Variants in UBAP1L observed in about 807,000 individuals in gnomAD.
UBAP1L encodes the protein ubiquitin associated protein 1 like.
A neutral mutation model predicts 32.1 loss-of-function variants in UBAP1L; 32 were observed. The observed-to-expected ratio is 1.00, with a 90% CI of 0.75 to 1.34. UBAP1L has a LOEUF of 1.34. UBAP1L is among the 40% of genes most tolerant of loss of function. UBAP1L has a pLI of 0.00. For synonymous variants in UBAP1L, 243 were observed against 250.2 expected, an observed-to-expected ratio of 0.97 and a Z score of 0.27; for missense variants, 516 against 540.5, an observed-to-expected ratio of 0.95 and a Z score of 0.45.
At chr15:65,098,231 C>T (rs1176116850) in intron 4 of UBAP1L, 3 of 152,302 alleles carry the variant, frequency 2.0e-5, no homozygotes, top group Non-Finnish European at 2.9e-5. Context: ...ACCAGCCTGC[C>T]TCATGCACCC....
chr15:65,106,352 C>T lies in UBAP1L; in HGVS notation c.-137G>A. On this transcript the variant is annotated 5_prime_UTR_variant, in exon 2 of 6. Transcript: ENST00000559089. ...TCCTGTGTGGTCACTTAGCTGAGCCCCAAACAGCTGGAAAGGAAAAGGTGA... is the reference window on the plus strand; with the variant it reads ...TCCTGTGTGGTCACTTAGCTGAGCCTCAAACAGCTGGAAAGGAAAAGGTGA... 9.4e-7 allele frequency: 1 copy of T among 1,064,122 alleles called. No individual in the cohort carries two copies. Among genetic ancestry groups the T allele is most frequent in the South Asian group, 2.0e-5 (1 of 49,496 alleles). 65.9% of individuals were successfully genotyped at this position (1,064,122 alleles called of 1,614,324 possible). A position where few individuals can be genotyped will look rare whatever the true frequency, so the allele number is the denominator to read the frequency against.
chr15:65,111,587 C>T (rs1159513262), intron 1 of UBAP1L, among the ~76,000 whole-genome samples: 1 of 152,120 alleles, frequency 6.6e-6, no homozygotes, highest in Non-Finnish European at 1.5e-5. Flanking sequence ...CAGGTTCAAG[C>T]GATTCTCCTG....
At chr15:65,105,199 G>A (rs1286750464) in intron 2 of UBAP1L, among the ~76,000 whole-genome samples, 2 of 151,992 alleles carry the variant, frequency 1.3e-5, no homozygotes, top group Non-Finnish European at 1.5e-5. Context: ...AGCAGGTCGA[G>A]CACAGTGGCT....
At chr15:65,104,243 G>T (rs2087277810) in intron 2 of UBAP1L, among the ~76,000 whole-genome samples, 1 of 151,368 alleles carries the variant, frequency 6.6e-6, no homozygotes, top group African/African-American at 2.4e-5. Context: ...GACAAAGCGA[G>T]ACTCTGTCGA....
rs111881195 is a variant in UBAP1L, at chr15:65,105,794, T to C, written c.120+302A>G. On this transcript the variant is annotated intron_variant, in intron 2 of 5. Coordinates refer to ENST00000559089, the MANE Select transcript of UBAP1L (RefSeq NM_001163692.2). Reference sequence around the variant, plus strand: ...TAGAAGGTCGGTGGCCCAAAAAGAGTGCTGAATTTGTTTTTGAGACGAAGT... The same window carrying C: ...TAGAAGGTCGGTGGCCCAAAAAGAGCGCTGAATTTGTTTTTGAGACGAAGT... 9.9e-4 allele frequency: 698 copies of C among 705,984 alleles called. 1 individual carries two copies. The African/African-American group carries it at 0.011, about 11-fold the overall frequency. The allele number at this position is 705,984 out of a possible 1,614,324, so 43.7% of individuals were successfully genotyped here.
At chr15:65,113,219 A>T (rs1177042600) in intron 1 of UBAP1L, among the ~76,000 whole-genome samples, 1 of 152,088 alleles carries the variant, frequency 6.6e-6, no homozygotes, top group African/African-American at 2.4e-5. Flanking sequence ...AAACAAAACG[A>T]AACAAAACTA....
rs2087259533 is a variant in UBAP1L at position 65,102,698 on chromosome 15, G to A, written c.121-14C>T. 2 of 1,543,158 alleles carry A rather than the reference G, an allele frequency of 1.3e-6. No individual in the cohort carries two copies. The highest frequency in any genetic ancestry group is 1.7e-6 in the Non-Finnish European group (2 of 1,146,236). On this transcript the variant is annotated splice_polypyrimidine_tract_variant and intron_variant, in intron 2 of 5. Coordinates refer to ENST00000559089, the MANE Select transcript of UBAP1L (RefSeq NM_001163692.2). The surrounding 1 kb of genome is among the most constrained non-coding windows in gnomAD (Gnocchi z 5.0). ...GCTGAAGTCGTGCTGCGGAAAGAAG[G>A]CGACGTAAAGCCCAGGGCAAACCAG...
intron 1 of UBAP1L, among the ~76,000 whole-genome samples, chr15:65,112,574 C>T (rs1396253192): frequency 6.6e-6 from 1 of 152,136 alleles, no homozygotes; most frequent in Non-Finnish European, 1.5e-5. Context: ...CAGGCAATGA[C>T]ATTAGTATTG....
chr15:65,106,761 C>T (rs1192305240), intron 1 of UBAP1L, among the ~76,000 whole-genome samples: 3 of 151,822 alleles, frequency 2.0e-5, no homozygotes, highest in Non-Finnish European at 4.4e-5. Context: ...CTACCTCAGC[C>T]TCCCAAGTAG....
chr15:65,104,683 T>C (rs532626972), intron 2 of UBAP1L, among the ~76,000 whole-genome samples: 1 of 152,252 alleles, frequency 6.6e-6, no homozygotes, highest in South Asian at 2.1e-4. Flanking sequence ...CAAGTCCACC[T>C]GGGCAACATA....
At chr15:65,112,484 G>T (rs1485342173) in intron 1 of UBAP1L, among the ~76,000 whole-genome samples, 3 of 152,124 alleles carry the variant, frequency 2.0e-5, no homozygotes, top group African/African-American at 7.2e-5. Flanking sequence ...CCCATGAGGT[G>T]GTGCCCATGT....
chr15:65,094,352 G>A lies in UBAP1L; in HGVS notation c.1011+123C>T, dbSNP rs1405041826. 4 of 663,682 alleles carry A rather than the reference G, an allele frequency of 6.0e-6. No individual in the cohort carries two copies. The highest frequency in any genetic ancestry group is 2.5e-6 in the Non-Finnish European group (1 of 395,192). The allele number at this position is 663,682 out of a possible 1,614,324, so 41.1% of individuals were successfully genotyped here. A position where few individuals can be genotyped will look rare whatever the true frequency, so the allele number is the denominator to read the frequency against. On this transcript the variant is annotated intron_variant, in intron 5 of 5. Transcript: ENST00000559089. The surrounding 1 kb of genome is among the most constrained non-coding windows in gnomAD (Gnocchi z 4.2). ...GAGCTGAGGAGTCAGGCAATCTCCC[G>A]ACAGACCCACAGGCTGGACCCACAG...
intron 2 of UBAP1L, among the ~76,000 whole-genome samples, chr15:65,104,500 G>A (rs2087283004): frequency 6.6e-6 from 1 of 152,170 alleles, no homozygotes; most frequent in East Asian, 1.9e-4. Flanking sequence ...AGAAAATCCA[G>A]AAATAGGCCT....
rs527583950 is a variant in UBAP1L at position 65,107,164 on chromosome 15, G to C, written c.-173-776C>G. On this transcript the variant is annotated intron_variant, in intron 1 of 5. Transcript: ENST00000559089. ...AGATGAAAAATTATATAATTATATA[G>C]CTTCATAGATGCAGAAAAAAACATG... Among the ~76,000 whole-genome samples the C allele has an allele frequency of 1.1e-4, 16 of 151,906 alleles. No homozygotes were observed. In the South Asian group the frequency reaches 2.7e-3, roughly 26 times the overall value.
intron 1 of UBAP1L, among the ~76,000 whole-genome samples, chr15:65,111,272 CA>C (rs2087367820): frequency 6.6e-6 from 1 of 152,162 alleles, no homozygotes; most frequent in Non-Finnish European, 1.5e-5. Flanking sequence ...CAAGTTTTGG[CA>C]TTCTCAGATT....
At chr15:65,101,811 C>T (rs1336444869) in intron 3 of UBAP1L, among the ~76,000 whole-genome samples, 1 of 152,134 alleles carries the variant, frequency 6.6e-6, no homozygotes, top group Non-Finnish European at 1.5e-5. Context: ...AGCTCAACCT[C>T]GTTTAGAAGA....
At chr15:65,111,128 T>C (rs2087367081) in intron 1 of UBAP1L, among the ~76,000 whole-genome samples, 2 of 152,280 alleles carry the variant, frequency 1.3e-5, no homozygotes, top group South Asian at 2.1e-4. Flanking sequence ...CAGCAGGAGG[T>C]AGCTCTCTGT....
Position 65,094,879 on chromosome 15 carries a change from GCTT to G in UBAP1L, c.910-306_910-304del. The G allele has an allele frequency of 6.9e-6, 3 of 433,678 alleles. No individual in the cohort carries two copies. Among genetic ancestry groups the G allele is most frequent in the Non-Finnish European group, 8.6e-6 (2 of 232,902 alleles). 26.9% of individuals were successfully genotyped at this position (433,678 alleles called of 1,614,324 possible). On this transcript the variant is annotated intron_variant, in intron 4 of 5. Coordinates refer to ENST00000559089, the MANE Select transcript of UBAP1L (RefSeq NM_001163692.2). The surrounding 1 kb of genome is among the most constrained non-coding windows in gnomAD (Gnocchi z 4.2). ...AGAACCTAGGTGGGGAGCAGGACAG[GCTT>G]CAAACACAGACATCCCACCTACCAC...
intron 2 of UBAP1L, chr15:65,105,074 G>C (rs1448151254): frequency 1.4e-5 from 3 of 207,338 alleles, no homozygotes; most frequent in African/African-American, 7.1e-5. Flanking sequence ...AGCTACTTGG[G>C]ATGCTGAGGT....
Sources: allele counts gnomAD v4.1 joint callset (sites outside exome capture counted in the v4.1 genomes callset), GRCh38; gene constraint gnomAD v4.1.1; non-coding constraint Gnocchi (gnomAD v3.1); transcripts MANE v1.5; gene names NCBI Gene and HGNC (gene_info 2026-07-23, HGNC 2026-07-21).